HR: variants seen among roughly 807,000 people sequenced by gnomAD.
HR encodes the protein HR lysine demethylase and nuclear receptor corepressor, also known as lysine-specific demethylase hairless.
A neutral mutation model predicts 128.6 loss-of-function variants in HR; 83 were observed. The observed-to-expected ratio is 0.65, with a 90% CI of 0.54 to 0.77. The LOEUF is 0.77. Among genes scored for constraint, HR ranks in the 30% least tolerant of loss-of-function variants. HR has a pLI of 0.00. For synonymous variants in HR, 681 were observed against 658.2 expected (o/e 1.03, Z -0.53); for missense variants, 1,490 against 1,574.6 (o/e 0.95, Z 0.91).
In HR at chr8:22,115,677, G is replaced by T. The variant is rs372246310; in HGVS notation, c.*23C>A. The T allele has an allele frequency of 6.2e-7, 1 of 1,611,044 alleles. No homozygotes were observed. The highest frequency in any genetic ancestry group is 1.1e-5 in the South Asian group (1 of 91,000). On this transcript the variant is annotated 3_prime_UTR_variant, in exon 19 of 19. Transcript: ENST00000381418. ...CACCTGGTCTACCTGTCCCCACCCC[G>T]ATCCCAGACACCTAGCATCCCTCTA... is the stretch of plus-strand genomic sequence containing the variant.
At chr8:22,123,862 C>G (rs1339526098) in intron 5 of HR, 49 bp from the exon 6 acceptor site, 1 of 1,556,804 alleles carries the variant, frequency 6.4e-7, no homozygotes, top group Admixed American at 1.9e-5. Context: ...CAACAGGCCC[C>G]AATGGAAGGC....
chr8:22,123,560 G>A, intron 6 of HR, 89 bp downstream of exon 6: 1 of 1,325,272 alleles, frequency 7.5e-7, no homozygotes, highest in Non-Finnish European at 1.0e-6. Context: ...GGGGCTTTTT[G>A]GGGAGAGGCA....
chr8:22,123,617 T>TTGGGCCCC, intron 6 of HR, 32 bp downstream of exon 6: 13 of 292,092 alleles, frequency 4.5e-5, no homozygotes, highest in Non-Finnish European at 7.5e-5. Context: ...GAGGGCTCCA[T>TTGGGCCCC]CCCGCCCTCC....
At chr8:22,126,461 C>G (rs1044040411) in intron 3 of HR, among the ~76,000 whole-genome samples, 3 of 152,230 alleles carry the variant, frequency 2.0e-5, no homozygotes, top group Middle Eastern at 3.2e-3. Flanking sequence ...GTCTCCAGCT[C>G]CACCTGGCCA....
chr8:22,123,616 A>ATG, intron 6 of HR, 33 bp downstream of exon 6: 25 of 562,338 alleles, frequency 4.4e-5, no homozygotes, highest in South Asian at 1.1e-4. Context: ...TGAGGGCTCC[A>ATG]TCCCGCCCTC....
chr8:22,116,160 C>T lies in HR; in HGVS notation c.3507+140G>A. The T allele has an allele frequency of 8.4e-7, 1 of 1,189,222 alleles. No homozygotes were observed. The highest frequency in any genetic ancestry group is 1.4e-5 in the South Asian group (1 of 71,456). 73.7% of individuals were successfully genotyped at this position (1,189,222 alleles called of 1,614,324 possible). The stretch of plus-strand genomic sequence containing the variant: ...AAAAAACAAAATGAAACAAACTAAA[C>T]AAAAGGAATACTCTGCCCCTGCACA... On this transcript the variant is annotated intron_variant, in intron 18 of 18. Transcript: ENST00000381418. This position sits in a 1 kb window ranked among gnomAD's most constrained non-coding sequence, Gnocchi z 4.2.
At chr8:22,119,616 C>CAAA (rs759829347) in intron 14 of HR, 144 bp downstream of exon 14, 78 of 922,926 alleles carry the variant, frequency 8.5e-5, no homozygotes, top group South Asian at 1.7e-4. Context: ...TCAACAACAA[C>CAAA]AAAAAAAAAA....
At position 22,115,585 on chromosome 8, in the gene HR, G is replaced by C. The variant is rs2131747787; in HGVS notation, c.*115C>G. 1 of 899,292 alleles carries C rather than the reference G, an allele frequency of 1.1e-6. No homozygotes were observed. The highest frequency in any genetic ancestry group is 1.4e-5 in the South Asian group (1 of 72,618). The allele number at this position is 899,292 out of a possible 1,614,324, so 55.7% of individuals were successfully genotyped here. A position where few individuals can be genotyped will look rare whatever the true frequency, so the allele number is the denominator to read the frequency against. ...CCTGCTTGTGCCCAGAGTGGTGCTT[G>C]TGGGGTTGACCAGAAATCCCCAAGT... On this transcript the variant is annotated 3_prime_UTR_variant, in exon 19 of 19. Coordinates refer to ENST00000381418, the MANE Select transcript of HR (RefSeq NM_005144.5).
chr8:22,128,754 C>G lies in HR; in HGVS notation c.417G>C (p.Arg139=). 1 of 1,601,394 alleles carries G rather than the reference C, an allele frequency of 6.2e-7. No homozygotes were observed. The highest frequency in any genetic ancestry group is 1.3e-5 in the African/African-American group (1 of 74,952). The change falls in exon 2 of 19, where the codon CGG becomes CGC. Residue 139 remains arginine, a synonymous_variant. Transcript: ENST00000381418. ...GHLKSDPVAF[R]PWHCPFLLET... is the part of the protein sequence containing the mutation. ...CCAGAAGGAAAGGGCAGTGCCAGGG[C>G]CGGAAGGCCACAGGGTCACTCTTGA...
In HR at chr8:22,127,093, C is replaced by A; in HGVS notation, c.1349G>T (p.Arg450Leu). ...ATCCTTGTTCCCTATCGATGTGTCC[C>A]GCACCTCCTGCCAACCCCCAGCCCC... ...EQGAGGWQEV[R>L]DTSIGNKDVD... The change falls in exon 3 of 19, where the codon CGG becomes CTG. Residue 450 changes from arginine (R) to leucine (L), a missense_variant. Physicochemically the swap from Arg to Leu is moderately radical, Grantham distance 102. This residue lies in a region of HR where 1,060 missense variants were observed against 1,060.9 expected (regional missense o/e 1.00). Coordinates refer to ENST00000381418, the MANE Select transcript of HR (RefSeq NM_005144.5). The A allele has an allele frequency of 6.2e-7, 1 of 1,611,176 alleles. No individual in the cohort carries two copies. The highest frequency in any genetic ancestry group is 8.5e-7 in the Non-Finnish European group (1 of 1,178,840).
rs369477166 is a variant in HR at position 22,120,017 on chromosome 8, G to T, written c.2846+87C>A. On this transcript the variant is annotated intron_variant, in intron 13 of 18. Coordinates refer to ENST00000381418, the MANE Select transcript of HR (RefSeq NM_005144.5). The stretch of plus-strand genomic sequence containing the variant: ...GAGTACCAGGGACCACGGGGTGGGG[G>T]TTGGGGGCAGAGGAGGAGGGGAGGG... The T allele has an allele frequency of 2.5e-4, 388 of 1,569,606 alleles. 1 individual carries two copies. In the African/African-American group the frequency reaches 4.8e-3, roughly 19 times the overall value.
intron 18 of HR, 125 bp from the exon 19 acceptor site, chr8:22,115,887 T>G: frequency 1.7e-5 from 16 of 936,064 alleles, no homozygotes; most frequent in Non-Finnish European, 2.5e-5. Context: ...TCCCAGCACT[T>G]TGGGAGGCCA....
rs1827036045 is a variant in HR, at chr8:22,130,894, T to G, written c.-507A>C. 1 of 152,156 alleles carries G rather than the reference T, an allele frequency of 6.6e-6. No individual in the cohort carries two copies. Among genetic ancestry groups the G allele is most frequent in the Non-Finnish European group, 1.5e-5 (1 of 68,118 alleles). The allele number at this position is 152,156 out of a possible 1,614,324, so 9.4% of individuals were successfully genotyped here. On this transcript the variant is annotated 5_prime_UTR_variant, in exon 1 of 19. Transcript: ENST00000381418. ...GTGCCTGGATGGTGGGGGCCGATCC[T>G]GGGACCCAGGAGAGAGGCACCGGCG...
Position 22,123,741 on chromosome 8 carries a change from A to G in HR, c.1823T>C (p.Phe608Ser). The G allele has an allele frequency of 1.3e-6, 2 of 1,597,836 alleles. No individual in the cohort carries two copies. The highest frequency in any genetic ancestry group is 1.7e-6 in the Non-Finnish European group (2 of 1,176,386). Residue 608 changes from phenylalanine (F) to serine (S), a missense_variant, in exon 6 of 19, where the codon TTC becomes TCC. Physicochemically the swap from Phe to Ser is radical, Grantham distance 155 (BLOSUM62 -2). This residue lies in a region of HR where 1,060 missense variants were observed against 1,060.9 expected (regional missense o/e 1.00). Transcript: ENST00000381418. ...GCGGGGACATCGCCAGTGGGTGTTG[A>G]AGAGTCCATGGTGGCAACGGCTGCA... ...RCCSRCHHGL[F>S]NTHWRCPRCS...
At chr8:22,121,754 A>G (rs1826761386) in intron 8 of HR, 60 bp from the exon 9 acceptor site, 1 of 1,508,942 alleles carries the variant, frequency 6.6e-7, no homozygotes, top group South Asian at 1.1e-5. Flanking sequence ...GGCAGACACA[A>G]TTCAACAGAA....
chr8:22,116,735 A>C lies in HR; in HGVS notation c.3378+140T>G. On this transcript the variant is annotated intron_variant, in intron 17 of 18. Coordinates refer to ENST00000381418, the MANE Select transcript of HR (RefSeq NM_005144.5). This position sits in a 1 kb window ranked among gnomAD's most constrained non-coding sequence, Gnocchi z 4.2. ...TTCAAGGCCTCTTGGCTCCCCCGTT[A>C]TCTCTTCCCCACAGCAGCGTGCGGC... is the stretch of plus-strand genomic sequence containing the variant. 1 of 1,248,104 alleles carries C rather than the reference A, an allele frequency of 8.0e-7. No homozygotes were observed. The highest frequency in any genetic ancestry group is 1.1e-6 in the Non-Finnish European group (1 of 886,434). The allele number at this position is 1,248,104 out of a possible 1,614,324, so 77.3% of individuals were successfully genotyped here. A position where few individuals can be genotyped will look rare whatever the true frequency, so the allele number is the denominator to read the frequency against.
intron 1 of HR, 134 bp from the exon 2 acceptor site, chr8:22,129,344 G>A: frequency 1.5e-6 from 1 of 646,592 alleles, no homozygotes; most frequent in Non-Finnish European, 2.5e-6. Context: ...GCCCACAACT[G>A]GGCACCATGC....
chr8:22,127,893 C>A, intron 2 of HR, 64 bp from the exon 3 acceptor site: 1 of 1,456,120 alleles, frequency 6.9e-7, no homozygotes, highest in Admixed American at 1.7e-5. Flanking sequence ...AATGGATGGG[C>A]AGAACTGACA....
chr8:22,122,699 G>C, intron 7 of HR, 91 bp from the exon 8 acceptor site: 2 of 1,481,812 alleles, frequency 1.3e-6, no homozygotes, highest in South Asian at 2.4e-5. Flanking sequence ...AAGCAGAAGG[G>C]CATGGCACTG....
Sources: gnomAD v4.1 joint callset for allele counts (sites outside exome capture counted in the v4.1 genomes callset) on GRCh38, gnomAD v4.1.1 for gene constraint, gnomAD v4.1.1 regional missense constraint, Gnocchi (gnomAD v3.1) non-coding constraint, MANE v1.5 for transcripts, NCBI Gene and HGNC (gene_info 2026-07-23, HGNC 2026-07-21) for gene names.